Variants in GRM7 observed in about 807,000 individuals in gnomAD.
GRM7 encodes glutamate metabotropic receptor 7.
Under a neutral mutation model 84.5 loss-of-function variants are expected in GRM7, and 35 were observed. The observed-to-expected ratio is 0.41, with a 90% CI of 0.32 to 0.55. The LOEUF (loss-of-function observed/expected upper bound fraction) is 0.55, where lower values mean the gene tolerates loss of function less well. Ranked by LOEUF, GRM7 falls within the 20% of genes least tolerant of loss-of-function variation. GRM7 has a pLI of 0.19. For synonymous variants in GRM7, 487 were observed against 455.1 expected, an observed-to-expected ratio of 1.07 and a Z score of -0.89; for missense variants, 1,003 against 1,194.6, an observed-to-expected ratio of 0.84 and a Z score of 2.36.
rs60681836 is a variant in GRM7, at chr3:7,167,973, CAAAAAAAAAAAAAAAAAAA to C, written c.736+21324_736+21342del. Among the ~76,000 whole-genome samples, 89 of 54,632 alleles carry C rather than the reference CAAAAAAAAAAAAAAAAAAA, an allele frequency of 1.6e-3. 1 individual carries two copies. The highest frequency in any genetic ancestry group is 5.0e-3 in the African/African-American group (75 of 14,974). 35.8% of individuals were successfully genotyped at this position (54,632 alleles called of 152,430 possible). A position where few individuals can be genotyped will look rare whatever the true frequency, so the allele number is the denominator to read the frequency against. ...TGGGCGACTGAGCGAGACTCTGTCTCAAAAAAAAAAAAAAAAAAAAAAAAAAAAAAAAAAAAATTCCAAA... is the reference window on the plus strand; with the variant it reads ...TGGGCGACTGAGCGAGACTCTGTCTCAAAAAAAAAAAAAAAAAATTCCAAA... On this transcript the variant is annotated intron_variant, in intron 2 of 9. Coordinates refer to ENST00000357716, the MANE Select transcript of GRM7 (RefSeq NM_000844.4).
intron 1 of GRM7, among the ~76,000 whole-genome samples, chr3:7,103,819 T>TTTCTCC (rs1559443645): frequency 7.9e-6 from 1 of 127,268 alleles, no homozygotes; most frequent in African/African-American, 3.9e-5. Context: ...TCTTTCTTTC[T>TTTCTCC]CTCTCTCTCT....
chr3:7,015,373 T>C (rs921295927), intron 1 of GRM7, among the ~76,000 whole-genome samples: 2 of 152,174 alleles, frequency 1.3e-5, no homozygotes, highest in Non-Finnish European at 2.9e-5. Flanking sequence ...GATGGGTAGA[T>C]GAATGAATGT....
intron 7 of GRM7, among the ~76,000 whole-genome samples, chr3:7,477,978 G>C (rs936402904): frequency 1.3e-5 from 2 of 152,218 alleles, no homozygotes; most frequent in African/African-American, 4.8e-5. Context: ...TCTTCCTGAA[G>C]AGCAAGTTCA....
intron 8 of GRM7, chr3:7,591,582 A>G: frequency 2.6e-6 from 1 of 383,912 alleles, no homozygotes. Flanking sequence ...AGGTACCAGA[A>G]TGTTCACGAG....
chr3:6,906,937 C>A (rs1369325652), intron 1 of GRM7, among the ~76,000 whole-genome samples: 1 of 152,080 alleles, frequency 6.6e-6, no homozygotes, highest in Non-Finnish European at 1.5e-5. Flanking sequence ...TGGACATATG[C>A]GAACACCCAT....
In GRM7 at chr3:6,928,247, A is replaced by G. The variant is rs1479573150; in HGVS notation, c.519+66340A>G. ...CCCCCAAAGATAGTTGCTCAATACC[A>G]CTCTCTTTCCCAGGTACTAAAAAAT... On this transcript the variant is annotated intron_variant, in intron 1 of 9. Coordinates refer to ENST00000357716, the MANE Select transcript of GRM7 (RefSeq NM_000844.4). The surrounding 1 kb of genome is among the most constrained non-coding windows in gnomAD (Gnocchi z 4.5). 6.6e-6 allele frequency among the ~76,000 whole-genome samples: 1 copy of G among 151,672 alleles called. No homozygotes were observed. The highest frequency in any genetic ancestry group is 1.9e-4 in the East Asian group (1 of 5,166).
At chr3:7,283,459 C>G (rs976383077) in intron 2 of GRM7, among the ~76,000 whole-genome samples, 5 of 151,842 alleles carry the variant, frequency 3.3e-5, no homozygotes, top group African/African-American at 1.2e-4. Context: ...TTCAGACACA[C>G]AAATAGTATA....
chr3:7,683,075 T>C (rs947204389), intron 9 of GRM7, among the ~76,000 whole-genome samples: 2 of 152,346 alleles, frequency 1.3e-5, no homozygotes, highest in South Asian at 2.1e-4. Flanking sequence ...ATGAATGGCA[T>C]GTCGAAATTC....
At chr3:7,128,509 T>G (rs1693479712) in intron 1 of GRM7, among the ~76,000 whole-genome samples, 1 of 37,374 alleles carries the variant, frequency 2.7e-5, no homozygotes, top group South Asian at 8.5e-4. Flanking sequence ...GACTTCCTTG[T>G]TTTTTTTTTT....
chr3:7,220,254 A>G (rs1036020424), intron 2 of GRM7, among the ~76,000 whole-genome samples: 2 of 152,216 alleles, frequency 1.3e-5, no homozygotes, highest in South Asian at 2.1e-4. Context: ...GTAACTTTAC[A>G]GTGGAGAAAC....
chr3:7,082,813 G>C (rs1698316186), intron 1 of GRM7, among the ~76,000 whole-genome samples: 1 of 152,098 alleles, frequency 6.6e-6, no homozygotes, highest in Admixed American at 6.6e-5. Flanking sequence ...AATGGAAAAA[G>C]TGAACTGCAG....
chr3:7,170,906 A>G (rs1191211596), intron 2 of GRM7, among the ~76,000 whole-genome samples: 3 of 152,154 alleles, frequency 2.0e-5, no homozygotes, highest in Non-Finnish European at 4.4e-5. Flanking sequence ...CTTCAACTCC[A>G]GATGTACAGG....
intron 1 of GRM7, among the ~76,000 whole-genome samples, chr3:7,063,951 G>T (rs1057351517): frequency 1.3e-5 from 2 of 151,788 alleles, no homozygotes; most frequent in South Asian, 4.2e-4. Flanking sequence ...AATTTAATTC[G>T]TGTAGAGCAA....
chr3:7,217,513 A>G (rs1444266280), intron 2 of GRM7, among the ~76,000 whole-genome samples: 1 of 152,146 alleles, frequency 6.6e-6, no homozygotes, highest in Non-Finnish European at 1.5e-5. Context: ...CTTAGAATGC[A>G]TTTCAATAAT....
intron 9 of GRM7, among the ~76,000 whole-genome samples, chr3:7,710,437 G>T (rs982842788): frequency 2.6e-5 from 4 of 152,064 alleles, no homozygotes; most frequent in African/African-American, 9.7e-5. Flanking sequence ...TTCATTATAG[G>T]TAATTTCAGG....
chr3:7,347,852 C>T (rs143182036), intron 4 of GRM7, among the ~76,000 whole-genome samples: 8 of 152,268 alleles, frequency 5.3e-5, no homozygotes, highest in African/African-American at 1.7e-4. Flanking sequence ...TTGACATTGT[C>T]CCTTGGACTT....
intron 9 of GRM7, chr3:7,680,551 G>A (rs577750955): frequency 6.3e-6 from 3 of 479,836 alleles, no homozygotes; most frequent in African/African-American, 1.9e-5. Flanking sequence ...CTTGCTTCTT[G>A]TCCTCTGGTA....
chr3:7,647,239 C>T (rs1042769379), intron 8 of GRM7, among the ~76,000 whole-genome samples: 3 of 152,220 alleles, frequency 2.0e-5, no homozygotes, highest in Non-Finnish European at 2.9e-5. Context: ...CTCTGGCTTC[C>T]TCTTTGGTTA....
rs572410701 is a variant in GRM7 at position 7,627,533 on chromosome 3, A to T, written c.2451+48176A>T. Among the ~76,000 whole-genome samples, 3 of 152,330 alleles carry T rather than the reference A, an allele frequency of 2.0e-5. No homozygotes were observed. In the East Asian group the frequency reaches 5.8e-4, roughly 29 times the overall value. ...TGACAGACATTCGCATGGTATTAAAACCACGAACTCTCAACTAGCCAGAGT... is the reference window on the plus strand; with the variant it reads ...TGACAGACATTCGCATGGTATTAAATCCACGAACTCTCAACTAGCCAGAGT... On this transcript the variant is annotated intron_variant, in intron 8 of 9. Transcript: ENST00000357716.
Sources: allele counts gnomAD v4.1 joint callset (sites outside exome capture counted in the v4.1 genomes callset), GRCh38; gene constraint gnomAD v4.1.1; non-coding constraint Gnocchi (gnomAD v3.1); transcripts MANE v1.5; gene names NCBI Gene and HGNC (gene_info 2026-07-23, HGNC 2026-07-21).